Variants in PON1 observed in about 807,000 individuals in gnomAD.
PON1 encodes the protein serum paraoxonase/arylesterase 1.
In PON1, 37 loss-of-function variants were observed where a neutral mutation model predicts 39.2. That is an observed-to-expected ratio of 0.94 (90% CI 0.73 to 1.24). The LOEUF is 1.24. Among genes scored for constraint, PON1 ranks in the 50% most tolerant of loss-of-function variants. PON1 has a pLI of 0.00. For missense variants in PON1, 397 were observed against 413.5 expected (o/e 0.96, Z 0.35); for synonymous variants, 148 against 152.2 (o/e 0.97, Z 0.21).
chr7:95,314,115 T>A (rs1186767847), intron 4 of PON1, among the ~76,000 whole-genome samples: 2 of 151,970 alleles, frequency 1.3e-5, no homozygotes, highest in African/African-American at 4.8e-5. Context: ...TCCCAGCACT[T>A]TGGGAGGCCG....
chr7:95,320,340 G>C (rs1339592000), intron 1 of PON1, among the ~76,000 whole-genome samples: 2 of 152,166 alleles, frequency 1.3e-5, no homozygotes, highest in African/African-American at 4.8e-5. Flanking sequence ...ATGATCTCTA[G>C]CCTGGAAAAC....
chr7:95,299,304 G>C (rs1362786008), intron 8 of PON1, among the ~76,000 whole-genome samples: 3 of 152,156 alleles, frequency 2.0e-5, no homozygotes, highest in African/African-American at 7.2e-5. Flanking sequence ...TTTAGCAGAG[G>C]TGGAGAGTAT....
chr7:95,298,940 T>C lies in PON1; in HGVS notation c.*4A>G, dbSNP rs747044648. 6.2e-7 allele frequency: 1 copy of C among 1,614,114 alleles called. No homozygotes were observed. The highest frequency in any genetic ancestry group is 1.3e-5 in the African/African-American group (1 of 75,022). On this transcript the variant is annotated 3_prime_UTR_variant, in exon 9 of 9. Transcript: ENST00000222381. ...TTTCTATGGCATGGGTGCAAATCGG[T>C]CTGTTAGAGCTCACAGTAAAGAGCT...
At chr7:95,312,215 C>T (rs1585697161) in intron 4 of PON1, among the ~76,000 whole-genome samples, 2 of 151,870 alleles carry the variant, frequency 1.3e-5, no homozygotes, top group African/African-American at 2.4e-5. Context: ...GTTTTTGAGA[C>T]GGAGTTTCAC....
At chr7:95,314,452 G>T (rs1442888046) in intron 4 of PON1, among the ~76,000 whole-genome samples, 3 of 151,998 alleles carry the variant, frequency 2.0e-5, no homozygotes, top group African/African-American at 7.2e-5. Context: ...GAGGAGATTT[G>T]TTAGTAGGAA....
intron 2 of PON1, among the ~76,000 whole-genome samples, chr7:95,318,077 CT>C (rs1198806835): frequency 1.4e-4 from 16 of 111,104 alleles, no homozygotes; most frequent in African/African-American, 2.3e-4. Context: ...TTTCTTTTTT[CT>C]TTTTTTCTTT....
In PON1 at chr7:95,324,398, T is replaced by A. The variant is rs749119019; in HGVS notation, c.74+4A>T. 1 of 1,614,026 alleles carries A rather than the reference T, an allele frequency of 6.2e-7. No homozygotes were observed. Among genetic ancestry groups the A allele is most frequent in the Non-Finnish European group, 8.5e-7 (1 of 1,179,916 alleles). On this transcript the variant is annotated splice_donor_region_variant and intron_variant, in intron 1 of 8. Transcript: ENST00000222381. ...GCTGCAGCCCTCACCACAACCCAAC[T>A]TACTGGTAAGAAGACTGGTGGTTCC...
At chr7:95,307,944 A>G in intron 6 of PON1, 67 bp downstream of exon 6, 1 of 1,421,454 alleles carries the variant, frequency 7.0e-7, no homozygotes. Flanking sequence ...ACTTAAAAAA[A>G]GAATATATTC....
At chr7:95,306,870 T>C (rs1468269443) in intron 6 of PON1, among the ~76,000 whole-genome samples, 2 of 152,024 alleles carry the variant, frequency 1.3e-5, no homozygotes, top group Non-Finnish European at 2.9e-5. Context: ...CCTGTGGCTT[T>C]AGTCATACCC....
chr7:95,318,476 TCTC>T (rs1807823790), intron 1 of PON1, 83 bp from the exon 2 acceptor site: 8 of 1,265,650 alleles, frequency 6.3e-6, no homozygotes, highest in Non-Finnish European at 9.2e-6. Context: ...CCACAAAAGT[TCTC>T]CTTCACTGTA....
At position 95,301,194 on chromosome 7, in the gene PON1, C is replaced by A. The variant is rs3917566; in HGVS notation, c.909+1011G>T. 5.1e-3 allele frequency among the ~76,000 whole-genome samples: 771 copies of A among 152,194 alleles called. 1 individual carries two copies. Among genetic ancestry groups the A allele is most frequent in the African/African-American group, 0.017 (719 of 41,516 alleles). Reference sequence around the variant, plus strand: ...CAAATACCTATATTGAAGTAGGTTGCAAATTCTTACTTGTACCCAAAATAG... The same window carrying A: ...CAAATACCTATATTGAAGTAGGTTGAAAATTCTTACTTGTACCCAAAATAG... On this transcript the variant is annotated intron_variant, in intron 8 of 8. Transcript: ENST00000222381.
intron 1 of PON1, among the ~76,000 whole-genome samples, chr7:95,322,271 TTA>T (rs3046669): frequency 2.3e-4 from 34 of 146,576 alleles, no homozygotes; most frequent in Middle Eastern, 7.1e-3. Context: ...TGCCTGATTT[TTA>T]TATATATATA....
Position 95,302,259 on chromosome 7 carries a change from A to G in PON1, c.855T>C (p.His285=). 1 of 1,610,358 alleles carries G rather than the reference A, an allele frequency of 6.2e-7. No homozygotes were observed. The highest frequency in any genetic ancestry group is 1.1e-5 in the South Asian group (1 of 90,962). The part of the protein sequence containing the change: ...PETGDLWVGC[H]PNGMKIFFYD... ...AGAAGAAGATTTTCATGCCATTGGG[A>G]TGGCATCCAACCCAAAGGTCTCCTG... is the stretch of plus-strand genomic sequence containing the variant. The change falls in exon 8 of 9, where the codon CAT becomes CAC. Residue 285 remains histidine (H), a synonymous_variant. Transcript: ENST00000222381.
chr7:95,298,028 C>A lies in PON1; in HGVS notation c.*916G>T, dbSNP rs1585688499. 1 of 151,892 alleles carries A rather than the reference C, an allele frequency of 6.6e-6. No homozygotes were observed. The highest frequency in any genetic ancestry group is 2.4e-5 in the African/African-American group (1 of 41,312). The allele number at this position is 151,892 out of a possible 1,614,324, so 9.4% of individuals were successfully genotyped here. On this transcript the variant is annotated 3_prime_UTR_variant, in exon 9 of 9. Transcript: ENST00000222381. Reference sequence around the variant, plus strand: ...TCTTTTCTATTTATTTGTTTGTTTACCTTTCTATTATTTTTTTTCTTTTCA... The same window carrying A: ...TCTTTTCTATTTATTTGTTTGTTTAACTTTCTATTATTTTTTTTCTTTTCA...
chr7:95,307,059 C>CT (rs546150639), intron 6 of PON1, among the ~76,000 whole-genome samples: 1,255 of 125,132 alleles, frequency 0.01, 10 homozygotes, highest in Non-Finnish European at 0.014. Flanking sequence ...TTCTTTCTTT[C>CT]TTTTTTTTTT....
At chr7:95,310,360 C>G (rs1384114986) in intron 5 of PON1, among the ~76,000 whole-genome samples, 1 of 152,214 alleles carries the variant, frequency 6.6e-6, no homozygotes, top group African/African-American at 2.4e-5. Context: ...ACATACTGTT[C>G]TCTACTTTAA....
At chr7:95,306,503 A>T (rs1361039993) in intron 6 of PON1, 137 bp from the exon 7 acceptor site, 42 of 705,674 alleles carry the variant, frequency 6.0e-5, no homozygotes, top group Non-Finnish European at 2.8e-5. Context: ...AACACACCAA[A>T]TTCTGAAAGA....
In PON1 at chr7:95,298,758, T is replaced by C; in HGVS notation, c.*186A>G. On this transcript the variant is annotated 3_prime_UTR_variant, in exon 9 of 9. Coordinates refer to ENST00000222381, the MANE Select transcript of PON1 (RefSeq NM_000446.7). ...TTCAAGTATTCCAAGACTGATTTGA[T>C]AGTGTATTCTCAAAAAAAAGCCCTA... 1 of 682,392 alleles carries C rather than the reference T, an allele frequency of 1.5e-6. No homozygotes were observed. 42.3% of individuals were successfully genotyped at this position (682,392 alleles called of 1,614,324 possible).
intron 4 of PON1, among the ~76,000 whole-genome samples, chr7:95,313,663 A>G (rs949276026): frequency 1.7e-4 from 24 of 140,330 alleles, no homozygotes; most frequent in African/African-American, 6.7e-4. Context: ...TGTGTCTCAC[A>G]TGGGGAAGAG....
Sources: gnomAD v4.1 joint callset for allele counts (sites outside exome capture counted in the v4.1 genomes callset) on GRCh38, gnomAD v4.1.1 for gene constraint, MANE v1.5 for transcripts, NCBI Gene and HGNC (gene_info 2026-07-23, HGNC 2026-07-21) for gene names.